ZMAT4: variants seen among roughly 807,000 people sequenced by gnomAD.
The protein encoded by ZMAT4 is zinc finger matrin-type protein 4.
In ZMAT4, 17 loss-of-function variants were observed where a neutral mutation model predicts 28.7. The ratio of observed to expected loss-of-function variants is 0.59; its 90% CI spans 0.41 to 0.89. ZMAT4 has a LOEUF of 0.89. Ranked by LOEUF, ZMAT4 falls within the 40% of genes least tolerant of loss-of-function variation. The pLI, the probability that ZMAT4 is intolerant of heterozygous loss-of-function variation, is 0.00. For missense variants in ZMAT4, 240 were observed against 283.8 expected (o/e 0.85, Z 1.11); for synonymous variants, 117 against 109.2 (o/e 1.07, Z -0.44).
At chr8:40,601,388 G>A (rs1805298228) in intron 5 of ZMAT4, among the ~76,000 whole-genome samples, 2 of 137,858 alleles carry the variant, frequency 1.5e-5, no homozygotes, top group Admixed American at 1.6e-4. Flanking sequence ...AAAGAAGGAA[G>A]GAAGGAAGGA....
intron 1 of ZMAT4, among the ~76,000 whole-genome samples, chr8:40,863,747 A>C (rs941390153): frequency 2.0e-5 from 3 of 152,220 alleles, no homozygotes; most frequent in Non-Finnish European, 4.4e-5. Context: ...TACCCTCAAA[A>C]TTAATTAGAA....
At chr8:40,712,756 A>T (rs1477414484) in intron 3 of ZMAT4, among the ~76,000 whole-genome samples, 1 of 152,218 alleles carries the variant, frequency 6.6e-6, no homozygotes, top group East Asian at 1.9e-4. Context: ...AAAAGATGGC[A>T]CCTGGAGGAA....
chr8:40,806,290 C>A lies in ZMAT4; in HGVS notation c.102+19285G>T, dbSNP rs112209876. On this transcript the variant is annotated intron_variant, in intron 2 of 6. Transcript: ENST00000297737. ...CTCTATGGAAGCAAACACCTAGCAT[C>A]ACATCATAGTTTTCCTTTGTTTCTT... is the stretch of plus-strand genomic sequence containing the variant. Among the ~76,000 whole-genome samples the A allele has an allele frequency of 9.3e-3, 1,413 of 152,308 alleles. 23 individuals carry two copies. Among genetic ancestry groups the A allele is most frequent in the African/African-American group, 0.033 (1,364 of 41,568 alleles).
chr8:40,836,060 C>G (rs143978071), intron 1 of ZMAT4, among the ~76,000 whole-genome samples: 1 of 152,174 alleles, frequency 6.6e-6, no homozygotes, highest in Non-Finnish European at 1.5e-5. Context: ...AGCAGCCTCC[C>G]CCGTCCATGA....
At chr8:40,589,083 C>G (rs564681646) in intron 5 of ZMAT4, among the ~76,000 whole-genome samples, 68 of 152,284 alleles carry the variant, frequency 4.5e-4, no homozygotes, top group Admixed American at 1.4e-3. Flanking sequence ...CTGTCTTGTA[C>G]ATGGATTTGT....
At chr8:40,595,803 G>C (rs754227308) in intron 5 of ZMAT4, among the ~76,000 whole-genome samples, 3 of 152,082 alleles carry the variant, frequency 2.0e-5, no homozygotes, top group Non-Finnish European at 4.4e-5. Flanking sequence ...GCAATGTAAG[G>C]CTGGGCACGG....
intron 2 of ZMAT4, among the ~76,000 whole-genome samples, chr8:40,772,026 A>G (rs1189294859): frequency 6.6e-6 from 1 of 152,216 alleles, no homozygotes; most frequent in African/African-American, 2.4e-5. Flanking sequence ...TCAGGGGGAA[A>G]AAAAGAACCA....
intron 5 of ZMAT4, among the ~76,000 whole-genome samples, chr8:40,626,449 C>T (rs1245600267): frequency 1.3e-5 from 2 of 152,094 alleles, no homozygotes; most frequent in Admixed American, 1.3e-4. Flanking sequence ...AAGGAAGAAA[C>T]CAATAAAGGA....
At chr8:40,697,130 C>T (rs1809922326) in intron 4 of ZMAT4, 115 bp downstream of exon 4, 14 of 1,248,398 alleles carry the variant, frequency 1.1e-5, no homozygotes, top group South Asian at 6.8e-5. Context: ...CTTTGAATGA[C>T]GTCTACCATT....
chr8:40,708,571 TTCTCTC>T (rs36210172), intron 3 of ZMAT4, among the ~76,000 whole-genome samples: 58,075 of 120,854 alleles, frequency 0.48, 13,937 homozygotes, highest in East Asian at 0.75. Flanking sequence ...TACACACTCT[TTCTCTC>T]TCTCTCTCTC....
At chr8:40,737,833 G>A (rs777737301) in intron 3 of ZMAT4, among the ~76,000 whole-genome samples, 5 of 151,734 alleles carry the variant, frequency 3.3e-5, no homozygotes, top group Non-Finnish European at 5.9e-5. Context: ...TTAATGAAGA[G>A]GATAATAGTA....
chr8:40,720,822 A>C (rs904991763), intron 3 of ZMAT4, among the ~76,000 whole-genome samples: 1 of 151,830 alleles, frequency 6.6e-6, no homozygotes, highest in East Asian at 1.9e-4. Context: ...CACCATGCCC[A>C]GCCCGATAGA....
chr8:40,773,905 T>C (rs546165427), intron 2 of ZMAT4, among the ~76,000 whole-genome samples: 1 of 151,884 alleles, frequency 6.6e-6, no homozygotes, highest in Non-Finnish European at 1.5e-5. Flanking sequence ...ACAAATATAA[T>C]ATGGCTTTAA....
At chr8:40,586,968 A>T (rs954268677) in intron 5 of ZMAT4, among the ~76,000 whole-genome samples, 1 of 152,100 alleles carries the variant, frequency 6.6e-6, no homozygotes, top group African/African-American at 2.4e-5. Flanking sequence ...GAGTTCTCGG[A>T]GAAGTGTGAA....
At chr8:40,842,114 A>T (rs945706510) in intron 1 of ZMAT4, among the ~76,000 whole-genome samples, 1 of 152,190 alleles carries the variant, frequency 6.6e-6, no homozygotes, top group Non-Finnish European at 1.5e-5. Flanking sequence ...GAGGCACCTG[A>T]ACCTGTAGGT....
At chr8:40,610,590 G>C (rs1437574413) in intron 5 of ZMAT4, among the ~76,000 whole-genome samples, 1 of 152,120 alleles carries the variant, frequency 6.6e-6, no homozygotes, top group African/African-American at 2.4e-5. Flanking sequence ...GCTTCATTTG[G>C]ATGAAAGCAG....
intron 2 of ZMAT4, among the ~76,000 whole-genome samples, chr8:40,810,788 G>T (rs1204657724): frequency 6.6e-6 from 1 of 152,000 alleles, no homozygotes; most frequent in Non-Finnish European, 1.5e-5. Flanking sequence ...GGAGAAGATA[G>T]TTACAATGTA....
intron 4 of ZMAT4, among the ~76,000 whole-genome samples, chr8:40,678,177 A>G (rs1808990458): frequency 6.6e-6 from 1 of 152,244 alleles, no homozygotes; most frequent in Admixed American, 6.5e-5. Context: ...AGAAAGAAGC[A>G]TAATACATCC....
At chr8:40,659,264 G>A (rs567049691) in intron 5 of ZMAT4, among the ~76,000 whole-genome samples, 1 of 152,240 alleles carries the variant, frequency 6.6e-6, no homozygotes, top group South Asian at 2.1e-4. Context: ...AAACGGAAAC[G>A]AGATGAGGGC....
Sources: allele counts gnomAD v4.1 joint callset (sites outside exome capture counted in the v4.1 genomes callset), GRCh38; gene constraint gnomAD v4.1.1; transcripts MANE v1.5; gene names NCBI Gene and HGNC (gene_info 2026-07-23, HGNC 2026-07-21).